The following GRIN1 variants were observed in gnomAD, a reference collection of about 807,000 sequenced individuals.
GRIN1 encodes glutamate ionotropic receptor NMDA type subunit 1.
Under a neutral mutation model 103.0 loss-of-function variants are expected in GRIN1, and 38 were observed. The ratio of observed to expected loss-of-function variants is 0.37; its 90% CI spans 0.28 to 0.48. The LOEUF (loss-of-function observed/expected upper bound fraction) is 0.48, where lower values mean the gene tolerates loss of function less well. Among genes scored for constraint, GRIN1 ranks in the 20% least tolerant of loss-of-function variants. The pLI, the probability that GRIN1 is intolerant of heterozygous loss-of-function variation, is 0.98. For synonymous variants in GRIN1, 544 were observed against 532.7 expected (o/e 1.02, Z -0.29); for missense variants, 577 against 1,288.9 (o/e 0.45, Z 8.46).
intron 4 of GRIN1, among the ~76,000 whole-genome samples, chr9:137,153,153 C>T (rs909770354): frequency 3.9e-5 from 6 of 152,146 alleles, no homozygotes; most frequent in African/African-American, 1.4e-4. Flanking sequence ...ACCATAGTCA[C>T]ACCACTCATA....
In GRIN1 at chr9:137,139,636, C is replaced by T. The variant is rs1428415601; in HGVS notation, c.150C>T (p.Asn50=). The T allele has an allele frequency of 6.2e-7, 1 of 1,613,908 alleles. No homozygotes were observed. The highest frequency in any genetic ancestry group is 8.5e-7 in the Non-Finnish European group (1 of 1,179,962). The part of the protein sequence containing the change: ...QMFREAVNQA[N]KRHGSWKIQL... ...TCCGCGAGGCCGTGAACCAGGCCAACAAGCGGCACGGCTCCTGGAAGATTC... is the reference window on the plus strand; with the variant it reads ...TCCGCGAGGCCGTGAACCAGGCCAATAAGCGGCACGGCTCCTGGAAGATTC... The change falls in exon 1 of 20, where the codon AAC becomes AAT. Residue 50 remains asparagine (N), a synonymous_variant. Coordinates refer to ENST00000371561, the MANE Select transcript of GRIN1 (RefSeq NM_007327.4). This position sits in a 1 kb window ranked among gnomAD's most constrained non-coding sequence, Gnocchi z 7.7.
chr9:137,158,361 CTATG>C lies in GRIN1; in HGVS notation c.969-17_969-14del. 1 of 1,612,708 alleles carries C rather than the reference CTATG, an allele frequency of 6.2e-7. No homozygotes were observed. Among genetic ancestry groups the C allele is most frequent in the Non-Finnish European group, 8.5e-7 (1 of 1,179,540 alleles). On this transcript the variant is annotated splice_polypyrimidine_tract_variant and intron_variant, in intron 6 of 19. Transcript: ENST00000371561. ...AAGGAGCATCTCTGAGAAGCCTCAG[CTATG>C]CTTCCTTCCCTAGAGTGCTGATGTC... is the stretch of plus-strand genomic sequence containing the variant.
intron 3 of GRIN1, among the ~76,000 whole-genome samples, chr9:137,147,965 G>A (rs897155676): frequency 1.1e-4 from 17 of 151,908 alleles, no homozygotes; most frequent in Non-Finnish European, 2.2e-4. Context: ...CCGCCCCTAC[G>A]ACCCTCACCC....
Position 137,153,550 on chromosome 9 carries a change from C to T in GRIN1, c.672-3119C>T, listed in dbSNP as rs1434625773. On this transcript the variant is annotated intron_variant, in intron 4 of 19. Transcript: ENST00000371561. The stretch of plus-strand genomic sequence containing the variant: ...TATACCACATGTGTACACACATGCA[C>T]CATGCATACACCATACACACGTGCA... Among the ~76,000 whole-genome samples, 6 of 151,922 alleles carry T rather than the reference C, an allele frequency of 3.9e-5. No individual in the cohort carries two copies. In the East Asian group the frequency reaches 1.2e-3, roughly 29 times the overall value.
intron 4 of GRIN1, 88 bp from the exon 5 acceptor site, chr9:137,156,581 C>T: frequency 2.6e-6 from 4 of 1,531,718 alleles, no homozygotes; most frequent in Non-Finnish European, 3.5e-6. Flanking sequence ...TGGGCAGGTC[C>T]CTGCTCCAGA....
intron 4 of GRIN1, among the ~76,000 whole-genome samples, chr9:137,155,248 G>A (rs1308757986): frequency 6.6e-6 from 1 of 152,242 alleles, no homozygotes; most frequent in Non-Finnish European, 1.5e-5. Context: ...GTCAGGCCCT[G>A]GTGGGCACTT....
chr9:137,166,225 C>T (rs1279468530), intron 19 of GRIN1, among the ~76,000 whole-genome samples: 2 of 152,234 alleles, frequency 1.3e-5, no homozygotes, highest in African/African-American at 4.8e-5. Context: ...AGGCCTTCTG[C>T]CCTTTGGAGC....
Position 137,162,748 on chromosome 9 carries a change from T to C in GRIN1, c.2013+9T>C. ...GCATCAACGACCCTCGGGTGAGGCC[T>C]GGCCGGGCTGGGGGAGGGAATGCGA... is the stretch of plus-strand genomic sequence containing the variant. On this transcript the variant is annotated intron_variant, in intron 14 of 19. Transcript: ENST00000371561. 1 of 1,602,408 alleles carries C rather than the reference T, an allele frequency of 6.2e-7. No individual in the cohort carries two copies. The highest frequency in any genetic ancestry group is 8.5e-7 in the Non-Finnish European group (1 of 1,175,266).
chr9:137,151,244 A>T, intron 4 of GRIN1, among the ~76,000 whole-genome samples: 2 of 141,994 alleles, frequency 1.4e-5, no homozygotes, highest in South Asian at 2.4e-4. Context: ...CCTGCCCAGA[A>T]AAAAGACCAG....
chr9:137,156,684 C>A lies in GRIN1; in HGVS notation c.687C>A (p.Ala229=). 6.3e-7 allele frequency: 1 copy of A among 1,599,810 alleles called. No homozygotes were observed. The highest frequency in any genetic ancestry group is 8.5e-7 in the Non-Finnish European group (1 of 1,174,450). Residue 229 remains alanine, a synonymous_variant, in exon 5 of 20, where the codon GCC becomes GCA. Coordinates refer to ENST00000371561, the MANE Select transcript of GRIN1 (RefSeq NM_007327.4). ...TGCCCCACAGCGAGGACGATGCTGCCACTGTATACCGCGCAGCCGCGATGC... is the reference window on the plus strand; with the variant it reads ...TGCCCCACAGCGAGGACGATGCTGCAACTGTATACCGCGCAGCCGCGATGC... The part of the protein sequence containing the change: ...IILSASEDDA[A]TVYRAAAMLN...
chr9:137,167,353 TG>T, intron 19 of GRIN1, 57 bp from the exon 20 acceptor site: 1 of 1,342,338 alleles, frequency 7.4e-7, no homozygotes, highest in Non-Finnish European at 1.0e-6. Flanking sequence ...CGCTGAGGGC[TG>T]GGGTCCCTGG....
chr9:137,140,206 A>C (rs2131189347), intron 1 of GRIN1, among the ~76,000 whole-genome samples: 1 of 152,118 alleles, frequency 6.6e-6, no homozygotes, highest in South Asian at 2.1e-4. Context: ...CTGGGAAGAG[A>C]AATGGCTCAG....
At chr9:137,156,591 A>T in intron 4 of GRIN1, 78 bp from the exon 5 acceptor site, 1 of 1,545,816 alleles carries the variant, frequency 6.5e-7, no homozygotes, top group Non-Finnish European at 8.7e-7. Flanking sequence ...CCTGCTCCAG[A>T]GGAGGAGGAC....
intron 4 of GRIN1, 97 bp downstream of exon 4, chr9:137,149,206 G>T: frequency 1.2e-6 from 1 of 868,834 alleles, no homozygotes; most frequent in Non-Finnish European, 1.9e-6. Context: ...TGGGCACAGT[G>T]ACCTTCAGCT....
chr9:137,140,024 G>A (rs1367528246), intron 1 of GRIN1, among the ~76,000 whole-genome samples: 1 of 152,046 alleles, frequency 6.6e-6, no homozygotes, highest in Non-Finnish European at 1.5e-5. Flanking sequence ...ACGTGGGGCT[G>A]GAGTGTGTCA....
chr9:137,147,617 C>A (rs1040294057), intron 3 of GRIN1, among the ~76,000 whole-genome samples: 5 of 152,066 alleles, frequency 3.3e-5, no homozygotes, highest in African/African-American at 1.2e-4. Flanking sequence ...CCCCTGCAGG[C>A]GCACATAACG....
intron 4 of GRIN1, among the ~76,000 whole-genome samples, chr9:137,152,518 A>G (rs1832965890): frequency 6.6e-6 from 1 of 152,146 alleles, no homozygotes; most frequent in African/African-American, 2.4e-5. Context: ...ACCACATACA[A>G]AACCAATCCA....
intron 16 of GRIN1, 68 bp from the exon 17 acceptor site, chr9:137,163,491 C>A: frequency 7.5e-7 from 1 of 1,332,300 alleles, no homozygotes; most frequent in Non-Finnish European, 1.1e-6. Context: ...GCCCCGGCCC[C>A]GCCCCCAGCT....
At position 137,146,012 on chromosome 9, in the gene GRIN1, C is replaced by A; in HGVS notation, c.570+110C>A. 1.3e-6 allele frequency: 1 copy of A among 797,900 alleles called. No homozygotes were observed. Among genetic ancestry groups the A allele is most frequent in the South Asian group, 1.6e-5 (1 of 62,834 alleles). The allele number at this position is 797,900 out of a possible 1,614,324, so 49.4% of individuals were successfully genotyped here. On this transcript the variant is annotated intron_variant, in intron 3 of 19. Coordinates refer to ENST00000371561, the MANE Select transcript of GRIN1 (RefSeq NM_007327.4). This position sits in a 1 kb window ranked among gnomAD's most constrained non-coding sequence, Gnocchi z 6.7. ...CCCTCTTCTTTCCATCGTGCATGGT[C>A]AGCACCACCACGTCTGGCGAGCGCC...
Sources: gnomAD v4.1 joint callset for allele counts (sites outside exome capture counted in the v4.1 genomes callset) on GRCh38, gnomAD v4.1.1 for gene constraint, Gnocchi (gnomAD v3.1) non-coding constraint, MANE v1.5 for transcripts, NCBI Gene and HGNC (gene_info 2026-07-23, HGNC 2026-07-21) for gene names.